RBFOX1: variants seen among roughly 807,000 people sequenced by gnomAD.
The protein encoded by RBFOX1 is RNA binding fox-1 homolog 1.
Under a neutral mutation model 57.7 loss-of-function variants are expected in RBFOX1, and 8 were observed. That is an observed-to-expected ratio of 0.14 (90% CI 0.08 to 0.25). RBFOX1 has a LOEUF of 0.25. RBFOX1 is among the 10% of genes least tolerant of loss of function. RBFOX1 has a pLI of 1.00. For missense variants in RBFOX1, 611 were observed against 548.5 expected, an observed-to-expected ratio of 1.11 and a Z score of -1.14; for synonymous variants, 326 against 222.4, an observed-to-expected ratio of 1.47 and a Z score of -4.15.
chr16:5,665,524 G>A (rs976175196), intron 3 of RBFOX1, among the ~76,000 whole-genome samples: 2 of 152,162 alleles, frequency 1.3e-5, no homozygotes, highest in Admixed American at 6.5e-5. Context: ...AAAATTAAAC[G>A]GGATTGTATG....
chr16:7,710,560 G>C lies in RBFOX1; in HGVS notation c.1072-63G>C, dbSNP rs1433589212. 5 of 1,600,778 alleles carry C rather than the reference G, an allele frequency of 3.1e-6. No homozygotes were observed. The Admixed American group carries it at 5.3e-5, about 17-fold the overall frequency. On this transcript the variant is annotated intron_variant, in intron 15 of 15. Transcript: ENST00000550418. ...GTCTATTTTTCACATTAGTCTTTTTGATGATCCACATGTTGCAAAAGGAAA... is the reference window on the plus strand; with the variant it reads ...GTCTATTTTTCACATTAGTCTTTTTCATGATCCACATGTTGCAAAAGGAAA...
chr16:7,261,859 T>G (rs767990334), intron 4 of RBFOX1, among the ~76,000 whole-genome samples: 7 of 152,300 alleles, frequency 4.6e-5, no homozygotes, highest in Non-Finnish European at 8.8e-5. Context: ...GATTCATTTG[T>G]TCAGGAGGCA....
intron 3 of RBFOX1, among the ~76,000 whole-genome samples, chr16:6,727,660 T>G (rs1382472571): frequency 6.6e-6 from 1 of 152,014 alleles, no homozygotes; most frequent in Non-Finnish European, 1.5e-5. Context: ...TTCCTTAAGG[T>G]AGAAATGAGG....
intron 3 of RBFOX1, among the ~76,000 whole-genome samples, chr16:5,748,657 G>C (rs1390761143): frequency 6.6e-6 from 1 of 151,978 alleles, no homozygotes; most frequent in African/African-American, 2.4e-5. Flanking sequence ...ATCTTTGTTG[G>C]TTTAAAGTCT....
intron 2 of RBFOX1, among the ~76,000 whole-genome samples, chr16:6,549,146 GA>G (rs71386524): frequency 2.5e-4 from 5 of 20,276 alleles, no homozygotes; most frequent in East Asian, 1.0e-3. Context: ...GAGGAGGAGG[GA>G]AGGAGGAGGG....
intron 4 of RBFOX1, among the ~76,000 whole-genome samples, chr16:7,485,798 C>G (rs778585761): frequency 2.6e-5 from 4 of 152,342 alleles, no homozygotes; most frequent in African/African-American, 9.6e-5. Context: ...TCTTCTGTGG[C>G]TCTCCGAGTC....
At chr16:5,664,743 C>T (rs1379640621) in intron 3 of RBFOX1, among the ~76,000 whole-genome samples, 1 of 152,092 alleles carries the variant, frequency 6.6e-6, no homozygotes, top group Non-Finnish European at 1.5e-5. Context: ...TCCACACGGT[C>T]CTAATTCCTT....
At chr16:6,824,955 T>C (rs1249421272) in intron 3 of RBFOX1, among the ~76,000 whole-genome samples, 1 of 148,590 alleles carries the variant, frequency 6.7e-6, no homozygotes, top group Non-Finnish European at 1.5e-5. Flanking sequence ...CCTTCTACAC[T>C]GAGGATTTCT....
chr16:5,985,994 A>G (rs1479965874), intron 4 of RBFOX1, among the ~76,000 whole-genome samples: 3 of 152,114 alleles, frequency 2.0e-5, no homozygotes, highest in Non-Finnish European at 4.4e-5. Context: ...TTTATTTTAT[A>G]GAAACAATAG....
chr16:6,825,686 G>A (rs1479999455), intron 3 of RBFOX1, among the ~76,000 whole-genome samples: 4 of 152,106 alleles, frequency 2.6e-5, no homozygotes, highest in African/African-American at 9.7e-5. Flanking sequence ...GGTAACACAA[G>A]GAAAGAACCT....
intron 1 of RBFOX1, among the ~76,000 whole-genome samples, chr16:5,445,449 T>C (rs2068212778): frequency 1.3e-5 from 2 of 152,198 alleles, no homozygotes; most frequent in Admixed American, 1.3e-4. Flanking sequence ...AGGACCATTA[T>C]AGTGTGCAAT....
intron 1 of RBFOX1, among the ~76,000 whole-genome samples, chr16:6,060,615 A>G (rs573718556): frequency 2.6e-5 from 4 of 152,280 alleles, no homozygotes; most frequent in Admixed American, 2.0e-4. Context: ...AGTTCTCCAC[A>G]TGCATGTGTT....
intron 4 of RBFOX1, among the ~76,000 whole-genome samples, chr16:7,509,726 T>A (rs1486206194): frequency 6.6e-6 from 1 of 151,306 alleles, no homozygotes; most frequent in Non-Finnish European, 1.5e-5. Flanking sequence ...AAAATTTACC[T>A]ATTGCTATCT....
intron 3 of RBFOX1, among the ~76,000 whole-genome samples, chr16:6,999,350 C>T (rs961563295): frequency 6.6e-6 from 1 of 151,382 alleles, no homozygotes; most frequent in African/African-American, 2.4e-5. Flanking sequence ...AGCCGTTGTG[C>T]CTGGCCAGGA....
At chr16:6,581,506 C>G (rs1339208470) in intron 2 of RBFOX1, among the ~76,000 whole-genome samples, 2 of 152,174 alleles carry the variant, frequency 1.3e-5, no homozygotes, top group Admixed American at 6.5e-5. Context: ...ACCCTGGGCT[C>G]TGATGGTCTA....
At chr16:7,302,479 C>G (rs1162678506) in intron 4 of RBFOX1, among the ~76,000 whole-genome samples, 1 of 152,020 alleles carries the variant, frequency 6.6e-6, no homozygotes, top group African/African-American at 2.4e-5. Flanking sequence ...TTCCAGGGTT[C>G]TGCCCCAAAT....
At chr16:6,875,812 C>CCG (rs1567671499) in intron 3 of RBFOX1, among the ~76,000 whole-genome samples, 4 of 151,716 alleles carry the variant, frequency 2.6e-5, no homozygotes, top group African/African-American at 9.7e-5. Context: ...CAAGACCAGT[C>CCG]TGGGGAACAT....
chr16:6,762,301 CTT>C (rs2076717925), intron 3 of RBFOX1, among the ~76,000 whole-genome samples: 1 of 152,104 alleles, frequency 6.6e-6, no homozygotes, highest in Admixed American at 6.6e-5. Flanking sequence ...AAAATACTGA[CTT>C]TTGGTCTTCA....
At chr16:7,185,692 A>G (rs929916836) in intron 4 of RBFOX1, among the ~76,000 whole-genome samples, 11 of 152,212 alleles carry the variant, frequency 7.2e-5, no homozygotes, top group Non-Finnish European at 1.2e-4. Flanking sequence ...TTATCTTCAA[A>G]GGCACTCTTT....
Sources: gnomAD v4.1 joint callset for allele counts (sites outside exome capture counted in the v4.1 genomes callset) on GRCh38, gnomAD v4.1.1 for gene constraint, MANE v1.5 for transcripts, NCBI Gene and HGNC (gene_info 2026-07-23, HGNC 2026-07-21) for gene names.